Variants in NRXN3 observed in about 807,000 individuals in gnomAD.
The protein encoded by NRXN3 is neurexin 3.
In NRXN3, 32 loss-of-function variants were observed where a neutral mutation model predicts 137.6. The ratio of observed to expected loss-of-function variants is 0.23; its 90% CI spans 0.18 to 0.31. NRXN3 has a LOEUF of 0.31. Ranked by LOEUF, NRXN3 falls within the 10% of genes least tolerant of loss-of-function variation. NRXN3 has a pLI of 1.00. For synonymous variants in NRXN3, 798 were observed against 784.5 expected, an observed-to-expected ratio of 1.02 and a Z score of -0.29; for missense variants, 1,574 against 2,062.5, an observed-to-expected ratio of 0.76 and a Z score of 4.59.
intron 8 of NRXN3, among the ~76,000 whole-genome samples, chr14:78,729,574 A>G (rs1007735472): frequency 2.6e-5 from 4 of 152,166 alleles, no homozygotes; most frequent in Admixed American, 2.6e-4. Context: ...GTAAAGTTTC[A>G]TGGGGCTGGT....
intron 15 of NRXN3, among the ~76,000 whole-genome samples, chr14:79,359,903 AT>A (rs1241614322): frequency 6.6e-6 from 1 of 152,190 alleles, no homozygotes; most frequent in Non-Finnish European, 1.5e-5. Flanking sequence ...AAAAGACTTT[AT>A]TTCTTTATAA....
rs1396648260 is a variant in NRXN3 at position 79,866,560 on chromosome 14, A to C, written c.*4596A>C. 6 of 152,220 alleles carry C rather than the reference A, an allele frequency of 3.9e-5. No individual in the cohort carries two copies. Among genetic ancestry groups the C allele is most frequent in the Admixed American group, 3.9e-4 (6 of 15,278 alleles). The allele number at this position is 152,220 out of a possible 1,614,324, so 9.4% of individuals were successfully genotyped here. A position where few individuals can be genotyped will look rare whatever the true frequency, so the allele number is the denominator to read the frequency against. On this transcript the variant is annotated 3_prime_UTR_variant, in exon 21 of 21. Transcript: ENST00000335750. Reference sequence around the variant, plus strand: ...TTTGGATTGATGACAGACTGCAAAAAGTACATTGGAGGAAGATATGAGTAG... The same window carrying C: ...TTTGGATTGATGACAGACTGCAAAACGTACATTGGAGGAAGATATGAGTAG...
At chr14:78,778,807 TC>T in intron 8 of NRXN3, among the ~76,000 whole-genome samples, 1 of 147,532 alleles carries the variant, frequency 6.8e-6, no homozygotes. Flanking sequence ...TTTCTTTCTT[TC>T]TTTCTTTCTT....
rs190402834 is a variant in NRXN3, at chr14:78,416,070, G to A, written c.757+118210G>A. On this transcript the variant is annotated intron_variant, in intron 4 of 20. Transcript: ENST00000335750. Reference sequence around the variant, plus strand: ...GTAAAGCAAGTCACATGGACAATGCGGATTCAAGGGGAGGGAAATTAAACT... The same window carrying A: ...GTAAAGCAAGTCACATGGACAATGCAGATTCAAGGGGAGGGAAATTAAACT... Among the ~76,000 whole-genome samples, 6 of 152,264 alleles carry A rather than the reference G, an allele frequency of 3.9e-5. No individual in the cohort carries two copies. The East Asian group carries it at 5.8e-4, about 15-fold the overall frequency.
chr14:79,149,957 G>A (rs1457415018), intron 15 of NRXN3, among the ~76,000 whole-genome samples: 2 of 151,978 alleles, frequency 1.3e-5, no homozygotes, highest in Non-Finnish European at 2.9e-5. Flanking sequence ...CATGGCACAC[G>A]TTCACCTGTG....
At chr14:78,248,302 G>GCCCCCCCCCCCCC (rs1177541167) in intron 2 of NRXN3, among the ~76,000 whole-genome samples, 1 of 22,554 alleles carries the variant, frequency 4.4e-5, no homozygotes, top group Non-Finnish European at 8.8e-5. Context: ...ACCGCCCCCC[G>GCCCCCCCCCCCCC]CCCCCCCCCC....
intron 15 of NRXN3, among the ~76,000 whole-genome samples, chr14:79,115,648 AATGTATC>A (rs1299624239): frequency 6.6e-6 from 1 of 152,178 alleles, no homozygotes; most frequent in African/African-American, 2.4e-5. Context: ...AGTGAAAGTA[AATGTATC>A]TGCCTGCCTA....
chr14:78,363,917 G>A (rs2085508391), intron 4 of NRXN3, among the ~76,000 whole-genome samples: 1 of 152,114 alleles, frequency 6.6e-6, no homozygotes, highest in South Asian at 2.1e-4. Context: ...TTTCCTCTAT[G>A]GAGCCCTCAT....
chr14:79,607,937 G>T (rs937061631), intron 16 of NRXN3, among the ~76,000 whole-genome samples: 5 of 152,116 alleles, frequency 3.3e-5, no homozygotes, highest in Admixed American at 2.6e-4. Flanking sequence ...TCCCAAAAGT[G>T]CTGGGATTAC....
intron 15 of NRXN3, among the ~76,000 whole-genome samples, chr14:79,140,700 G>GC (rs1372560239): frequency 2.6e-5 from 4 of 151,622 alleles, no homozygotes; most frequent in African/African-American, 7.3e-5. Flanking sequence ...TAAGAAGGAG[G>GC]CACAAGTATG....
At position 79,867,876 on chromosome 14, in the gene NRXN3, A is replaced by G. The variant is rs926555428; in HGVS notation, c.*5912A>G. On this transcript the variant is annotated 3_prime_UTR_variant, in exon 21 of 21. Transcript: ENST00000335750. Reference sequence around the variant, plus strand: ...TAGGGTTGCATGAGAGTGAGGGCATATAAGACAACAACAGCTAAAAGCAAT... The same window carrying G: ...TAGGGTTGCATGAGAGTGAGGGCATGTAAGACAACAACAGCTAAAAGCAAT... The G allele has an allele frequency of 6.6e-6, 1 of 152,130 alleles. No homozygotes were observed. Among genetic ancestry groups the G allele is most frequent in the Non-Finnish European group, 1.5e-5 (1 of 68,044 alleles). The allele number at this position is 152,130 out of a possible 1,614,324, so 9.4% of individuals were successfully genotyped here. A position where few individuals can be genotyped will look rare whatever the true frequency, so the allele number is the denominator to read the frequency against.
chr14:78,914,702 G>A (rs1466828790), intron 10 of NRXN3, among the ~76,000 whole-genome samples: 1 of 152,156 alleles, frequency 6.6e-6, no homozygotes, highest in African/African-American at 2.4e-5. Flanking sequence ...AGTGGCAGAG[G>A]AGCAGATCCT....
At chr14:78,956,870 T>C (rs1252853818) in intron 10 of NRXN3, among the ~76,000 whole-genome samples, 1 of 152,232 alleles carries the variant, frequency 6.6e-6, no homozygotes. Flanking sequence ...AAAAATACTA[T>C]GGTAAATTTC....
chr14:79,467,435 T>A, intron 16 of NRXN3, 33 bp downstream of exon 16: 1 of 1,544,858 alleles, frequency 6.5e-7, no homozygotes, highest in Non-Finnish European at 8.8e-7. Flanking sequence ...GATTTTCTTA[T>A]GTTACTGGTG....
At chr14:79,765,714 G>A (rs116005789) in intron 19 of NRXN3, among the ~76,000 whole-genome samples, 27 of 152,294 alleles carry the variant, frequency 1.8e-4, no homozygotes, top group African/African-American at 6.3e-4. Context: ...CCATATGGAT[G>A]AATCTCTGCT....
intron 15 of NRXN3, among the ~76,000 whole-genome samples, chr14:79,232,765 A>C (rs1392432716): frequency 6.6e-6 from 1 of 152,088 alleles, no homozygotes; most frequent in Non-Finnish European, 1.5e-5. Context: ...TCAGGAAGGA[A>C]TTTTCACCAT....
chr14:79,551,671 C>A (rs553088961), intron 16 of NRXN3, among the ~76,000 whole-genome samples: 1 of 152,240 alleles, frequency 6.6e-6, no homozygotes, highest in South Asian at 2.1e-4. Context: ...TTAGCTCAAG[C>A]CCCAGGGACT....
chr14:79,671,136 CA>C (rs757847408), intron 17 of NRXN3, among the ~76,000 whole-genome samples: 18 of 152,148 alleles, frequency 1.2e-4, no homozygotes, highest in Non-Finnish European at 2.4e-4. Flanking sequence ...GTCTTGAAAC[CA>C]CCCATTAGGA....
chr14:78,815,479 C>CTTTTTTTTTTTTTTTTTT (rs61411777), intron 10 of NRXN3, among the ~76,000 whole-genome samples: 10 of 84,436 alleles, frequency 1.2e-4, no homozygotes, highest in South Asian at 5.7e-4. Flanking sequence ...TTGTTTCTTT[C>CTTTTTTTTTTTTTTTTTT]TTTTTTTTTT....
Sources: allele counts gnomAD v4.1 joint callset (sites outside exome capture counted in the v4.1 genomes callset), GRCh38; gene constraint gnomAD v4.1.1; transcripts MANE v1.5; gene names NCBI Gene and HGNC (gene_info 2026-07-23, HGNC 2026-07-21).